Variants in USP6NL observed in about 807,000 individuals in gnomAD.
USP6NL encodes the protein USP6 N-terminal-like protein.
In USP6NL, 26 loss-of-function variants were observed where a neutral mutation model predicts 61.9. That is an observed-to-expected ratio of 0.42 (90% CI 0.31 to 0.58). The LOEUF is 0.58. Among genes scored for constraint, USP6NL ranks in the 20% least tolerant of loss-of-function variants. The pLI is 0.16. For missense variants in USP6NL, 1,114 were observed against 1,034.3 expected, an observed-to-expected ratio of 1.08 and a Z score of -1.06; for synonymous variants, 432 against 390.1, an observed-to-expected ratio of 1.11 and a Z score of -1.27.
rs1835601899 is a variant in USP6NL at position 11,530,285 on chromosome 10, C to G, written c.5-2718G>C. ...CAGTCCCTTAATCCTGCTACCAGTCCTAGGCATCACAAGTATACTTCCAAC... is the reference window on the plus strand; with the variant it reads ...CAGTCCCTTAATCCTGCTACCAGTCGTAGGCATCACAAGTATACTTCCAAC... On this transcript the variant is annotated intron_variant, in intron 2 of 14. Coordinates refer to ENST00000609104, the MANE Select transcript of USP6NL (RefSeq NM_014688.5). Among the ~76,000 whole-genome samples, 6 of 152,144 alleles carry G rather than the reference C, an allele frequency of 3.9e-5. No individual in the cohort carries two copies. In the South Asian group the frequency reaches 1.2e-3, roughly 32 times the overall value.
chr10:11,519,800 T>TATAA (rs1380826961), intron 4 of USP6NL, among the ~76,000 whole-genome samples: 1 of 152,212 alleles, frequency 6.6e-6, no homozygotes, highest in East Asian at 1.9e-4. Context: ...CTGTCAGTAA[T>TATAA]ATAAAAACCA....
intron 2 of USP6NL, among the ~76,000 whole-genome samples, chr10:11,567,428 C>T (rs1236283852): frequency 6.6e-6 from 1 of 152,158 alleles, no homozygotes; most frequent in East Asian, 1.9e-4. Context: ...GTACTAAATA[C>T]ATCTCCCTAA....
At position 11,463,194 on chromosome 10, in the gene USP6NL, C is replaced by A; in HGVS notation, c.1734G>T (p.Arg578=). 6.8e-6 allele frequency: 11 copies of A among 1,613,492 alleles called. No homozygotes were observed. Among genetic ancestry groups the A allele is most frequent in the Non-Finnish European group, 9.3e-6 (11 of 1,179,878 alleles). ...ALERAYSQSP[R]HALYPPSPRK... is the part of the protein sequence containing the mutation. ...TCGGGCTAGGAGGGTAAAGGGCATG[C>A]CGGGGGCTCTGGGAGTAAGCCCTTT... Residue 578 remains arginine, a synonymous_variant, in exon 15 of 15, where the codon CGG becomes CGT. Coordinates refer to ENST00000609104, the MANE Select transcript of USP6NL (RefSeq NM_014688.5). The surrounding 1 kb of genome is among the most constrained non-coding windows in gnomAD (Gnocchi z 6.3).
chr10:11,561,076 T>C lies in USP6NL; in HGVS notation c.5-33509A>G, dbSNP rs1234405641. On this transcript the variant is annotated intron_variant, in intron 2 of 14. Coordinates refer to ENST00000609104, the MANE Select transcript of USP6NL (RefSeq NM_014688.5). The surrounding 1 kb of genome is among the most constrained non-coding windows in gnomAD (Gnocchi z 4.1). ...CAGCCCTGAATATCTCATTAGGCCC[T>C]GAGTTGCAAAGAAAAAACATTTAGT... Among the ~76,000 whole-genome samples the C allele has an allele frequency of 2.6e-5, 4 of 152,192 alleles. No individual in the cohort carries two copies. Among genetic ancestry groups the C allele is most frequent in the African/African-American group, 7.2e-5 (3 of 41,440 alleles).
At chr10:11,559,228 T>C (rs1201779194) in intron 2 of USP6NL, among the ~76,000 whole-genome samples, 4 of 152,192 alleles carry the variant, frequency 2.6e-5, no homozygotes, top group African/African-American at 7.2e-5. Flanking sequence ...TAAATAAATG[T>C]GTAAATGCTT....
intron 2 of USP6NL, among the ~76,000 whole-genome samples, chr10:11,549,954 C>G (rs1048186579): frequency 8.5e-5 from 13 of 152,136 alleles, no homozygotes; most frequent in African/African-American, 3.1e-4. Context: ...GCCTTAGATT[C>G]TTGCTGAAAA....
intron 2 of USP6NL, chr10:11,573,690 A>G (rs921208321): frequency 3.3e-5 from 13 of 398,852 alleles, no homozygotes; most frequent in Non-Finnish European, 4.4e-5. Flanking sequence ...GCTAGTTAAC[A>G]AGCCAAAGAC....
At chr10:11,582,306 G>A (rs549963824) in intron 2 of USP6NL, among the ~76,000 whole-genome samples, 13 of 152,084 alleles carry the variant, frequency 8.5e-5, no homozygotes, top group Non-Finnish European at 1.6e-4. Context: ...TTGCCATGTT[G>A]GCCAGGTTAG....
intron 6 of USP6NL, among the ~76,000 whole-genome samples, chr10:11,506,005 A>C (rs76438056): frequency 3.7e-4 from 57 of 152,352 alleles, no homozygotes; most frequent in African/African-American, 1.2e-3. Context: ...ACTGTGTTTT[A>C]TAACTACATT....
chr10:11,538,970 C>T (rs1835941791), intron 2 of USP6NL, among the ~76,000 whole-genome samples: 1 of 152,210 alleles, frequency 6.6e-6, no homozygotes, highest in Admixed American at 6.5e-5. Flanking sequence ...AGGCTCTGCT[C>T]ATGTGGCTGG....
chr10:11,563,237 A>G (rs914721497), intron 2 of USP6NL: 6 of 152,196 alleles, frequency 3.9e-5, no homozygotes, highest in African/African-American at 1.4e-4. Context: ...ATTTATAGAG[A>G]TGGAGAACAA....
At chr10:11,555,433 A>AAAAAAATAT (rs1275798295) in intron 2 of USP6NL, among the ~76,000 whole-genome samples, 14 of 49,014 alleles carry the variant, frequency 2.9e-4, no homozygotes, top group African/African-American at 3.8e-4. Context: ...AAAAAAAAAA[A>AAAAAAATAT]ATATATATAT....
intron 6 of USP6NL, among the ~76,000 whole-genome samples, chr10:11,504,427 C>T (rs12573810): frequency 0.082 from 12,548 of 152,176 alleles, 615 homozygotes; most frequent in South Asian, 0.19. Flanking sequence ...GTAGGTTCAG[C>T]GGGTGGTTTC....
intron 2 of USP6NL, among the ~76,000 whole-genome samples, chr10:11,584,235 G>C (rs1457747743): frequency 6.6e-6 from 1 of 152,134 alleles, no homozygotes; most frequent in Non-Finnish European, 1.5e-5. Flanking sequence ...ATTTAGCTCT[G>C]TGTGTATAGC....
At chr10:11,466,191 T>A (rs557378606) in intron 14 of USP6NL, among the ~76,000 whole-genome samples, 15 of 152,376 alleles carry the variant, frequency 9.8e-5, no homozygotes, top group Admixed American at 7.2e-4. Flanking sequence ...CAGCTATCAC[T>A]ATTTATTGAT....
chr10:11,519,356 G>T (rs1237120365), intron 4 of USP6NL, among the ~76,000 whole-genome samples: 1 of 152,238 alleles, frequency 6.6e-6, no homozygotes, highest in African/African-American at 2.4e-5. Flanking sequence ...TTGGCTGGGT[G>T]CGGTGGCTCA....
intron 14 of USP6NL, among the ~76,000 whole-genome samples, chr10:11,472,729 T>C (rs1288531366): frequency 6.6e-6 from 1 of 152,198 alleles, no homozygotes; most frequent in African/African-American, 2.4e-5. Flanking sequence ...TTCAATAACA[T>C]GATGAAAAGA....
At chr10:11,601,252 T>TAC (rs1008193669) in intron 1 of USP6NL, among the ~76,000 whole-genome samples, 117 of 152,244 alleles carry the variant, frequency 7.7e-4, no homozygotes, top group African/African-American at 2.8e-3. Flanking sequence ...TGTACACACA[T>TAC]ACACACACAC....
chr10:11,494,428 T>C (rs1470622980), intron 7 of USP6NL, among the ~76,000 whole-genome samples: 2 of 152,164 alleles, frequency 1.3e-5, no homozygotes, highest in Non-Finnish European at 2.9e-5. Context: ...TCATCTTCCC[T>C]TCCTGTAGGG....
Sources: allele counts gnomAD v4.1 joint callset (sites outside exome capture counted in the v4.1 genomes callset), GRCh38; gene constraint gnomAD v4.1.1; non-coding constraint Gnocchi (gnomAD v3.1); transcripts MANE v1.5; gene names NCBI Gene and HGNC (gene_info 2026-07-23, HGNC 2026-07-21).